TMC1: variants seen among roughly 807,000 people sequenced by gnomAD.
TMC1 encodes transmembrane channel-like protein 1.
TMC1 carries 84 observed loss-of-function variants against 105.8 expected under a neutral mutation model. The ratio of observed to expected loss-of-function variants is 0.79; its 90% CI spans 0.67 to 0.95. The LOEUF (loss-of-function observed/expected upper bound fraction) is 0.95. TMC1 is among the 40% of genes least tolerant of loss of function. The pLI is 0.00. For synonymous variants in TMC1, 315 were observed against 311.5 expected (o/e 1.01, Z -0.12); for missense variants, 817 against 914.1 (o/e 0.89, Z 1.37).
intron 4 of TMC1, among the ~76,000 whole-genome samples, chr9:72,638,236 T>G (rs372641247): frequency 2.6e-5 from 4 of 152,298 alleles, no homozygotes; most frequent in African/African-American, 7.2e-5. Context: ...TATAAAAATC[T>G]TATCTATTTC....
intron 1 of TMC1, among the ~76,000 whole-genome samples, chr9:72,571,900 A>T (rs1006325850): frequency 6.6e-6 from 1 of 150,504 alleles, no homozygotes; most frequent in African/African-American, 2.4e-5. Flanking sequence ...GCAATGGCGT[A>T]ATCTCGGCTC....
At chr9:72,601,061 G>A (rs1443046941) in intron 2 of TMC1, among the ~76,000 whole-genome samples, 1 of 152,164 alleles carries the variant, frequency 6.6e-6, no homozygotes, top group African/African-American at 2.4e-5. Context: ...CAAGCTGGGT[G>A]CAGAGGCTTA....
chr9:72,637,455 G>A (rs1261396592), intron 4 of TMC1, among the ~76,000 whole-genome samples: 1 of 151,986 alleles, frequency 6.6e-6, no homozygotes, highest in Non-Finnish European at 1.5e-5. Flanking sequence ...TTGGAAGTAG[G>A]AACTCCTAAC....
chr9:72,548,405 C>G (rs905264060), intron 1 of TMC1, among the ~76,000 whole-genome samples: 6 of 151,954 alleles, frequency 3.9e-5, no homozygotes, highest in African/African-American at 1.4e-4. Context: ...AATTCCATCT[C>G]TACTAAAAAT....
chr9:72,665,356 C>T (rs1050736389), intron 5 of TMC1, among the ~76,000 whole-genome samples: 1 of 152,114 alleles, frequency 6.6e-6, no homozygotes, highest in Non-Finnish European at 1.5e-5. Flanking sequence ...TTTCTTAGTT[C>T]CTGCTTAGTG....
chr9:72,798,656 G>A (rs1828414756), intron 17 of TMC1, among the ~76,000 whole-genome samples: 1 of 152,020 alleles, frequency 6.6e-6, no homozygotes, highest in Non-Finnish European at 1.5e-5. Context: ...ACGCAAAGAA[G>A]GAAACAACAG....
intron 18 of TMC1, among the ~76,000 whole-genome samples, chr9:72,810,369 C>T (rs574472486): frequency 1.1e-4 from 17 of 152,110 alleles, no homozygotes; most frequent in South Asian, 2.1e-4. Flanking sequence ...TGCATGTATA[C>T]ACACACACAA....
chr9:72,820,731 A>G, intron 19 of TMC1, 111 bp from the exon 20 acceptor site: 4 of 1,307,370 alleles, frequency 3.1e-6, no homozygotes, highest in Non-Finnish European at 4.4e-6. Flanking sequence ...TGAAAGTGGC[A>G]GTGTATTTTC....
chr9:72,720,605 G>A (rs765354406), intron 8 of TMC1, among the ~76,000 whole-genome samples: 1 of 152,176 alleles, frequency 6.6e-6, no homozygotes, highest in Non-Finnish European at 1.5e-5. Flanking sequence ...CACAGGACAA[G>A]TACGCCTGAT....
chr9:72,661,427 C>T (rs187912401), intron 5 of TMC1, among the ~76,000 whole-genome samples: 2 of 152,308 alleles, frequency 1.3e-5, no homozygotes, highest in East Asian at 1.9e-4. Flanking sequence ...TTTTTCCACC[C>T]TCTACATTTT....
At chr9:72,730,854 C>G (rs1330517027) in intron 8 of TMC1, among the ~76,000 whole-genome samples, 1 of 152,184 alleles carries the variant, frequency 6.6e-6, no homozygotes, top group African/African-American at 2.4e-5. Context: ...AGATCTCTCG[C>G]ATGTGCAGTT....
intron 4 of TMC1, among the ~76,000 whole-genome samples, chr9:72,639,306 A>G (rs1447423628): frequency 6.6e-6 from 1 of 152,224 alleles, no homozygotes; most frequent in Non-Finnish European, 1.5e-5. Context: ...AAGATATATT[A>G]GAAGATGCTA....
chr9:72,527,505 G>T (rs554472567), intron 1 of TMC1, among the ~76,000 whole-genome samples: 182 of 152,190 alleles, frequency 1.2e-3, no homozygotes, highest in African/African-American at 4.3e-3. Flanking sequence ...TTACCAGCAG[G>T]AGAGCAGCCT....
chr9:72,786,288 C>G (rs1447810100), intron 13 of TMC1, among the ~76,000 whole-genome samples: 1 of 151,950 alleles, frequency 6.6e-6, no homozygotes, highest in Admixed American at 6.6e-5. Flanking sequence ...ACTAAAAATA[C>G]AAAAAATTAG....
At chr9:72,543,851 C>T (rs1355225114) in intron 1 of TMC1, among the ~76,000 whole-genome samples, 1 of 152,074 alleles carries the variant, frequency 6.6e-6, no homozygotes, top group Non-Finnish European at 1.5e-5. Flanking sequence ...ATCCTCTCAT[C>T]TTAGCCTCCC....
intron 1 of TMC1, among the ~76,000 whole-genome samples, chr9:72,525,715 C>T (rs556201376): frequency 1.3e-3 from 201 of 152,290 alleles, no homozygotes; most frequent in Non-Finnish European, 2.5e-3. Flanking sequence ...TGGCCAGTTG[C>T]GGTGGCTCAC....
rs2118351052 is a variant in TMC1, at chr9:72,836,315, G to A, written c.*342G>A. 3.6e-6 allele frequency: 1 copy of A among 279,036 alleles called. No individual in the cohort carries two copies. The highest frequency in any genetic ancestry group is 4.7e-5 in the Admixed American group (1 of 21,204). 17.3% of individuals were successfully genotyped at this position (279,036 alleles called of 1,614,324 possible). On this transcript the variant is annotated 3_prime_UTR_variant, in exon 24 of 24. Coordinates refer to ENST00000297784, the MANE Select transcript of TMC1 (RefSeq NM_138691.3). ...TTGGTGGGTTAATTAAAAAAAATTT[G>A]CTCATATGAACTTTCATTTTATATG...
At chr9:72,669,021 A>G (rs908572511) in intron 5 of TMC1, among the ~76,000 whole-genome samples, 12 of 152,286 alleles carry the variant, frequency 7.9e-5, no homozygotes, top group African/African-American at 2.9e-4. Flanking sequence ...AAAAGATAAT[A>G]CAGCTGGGTG....
intron 1 of TMC1, among the ~76,000 whole-genome samples, chr9:72,552,657 C>T (rs1049326456): frequency 1.1e-4 from 17 of 152,104 alleles, no homozygotes; most frequent in Non-Finnish European, 2.4e-4. Context: ...AATTAAAGAA[C>T]CAGAGAGTAC....
Sources: allele counts gnomAD v4.1 joint callset (sites outside exome capture counted in the v4.1 genomes callset), GRCh38; gene constraint gnomAD v4.1.1; transcripts MANE v1.5; gene names NCBI Gene and HGNC (gene_info 2026-07-23, HGNC 2026-07-21).